The following CALB2 variants were observed in gnomAD, a reference collection of about 807,000 sequenced individuals.
CALB2 encodes the protein calretinin.
CALB2 carries 34 observed loss-of-function variants against 45.9 expected under a neutral mutation model. The observed-to-expected ratio is 0.74, with a 90% CI of 0.56 to 0.99. The LOEUF is 0.99. CALB2 is among the 50% of genes least tolerant of loss of function. The pLI is 0.00. For missense variants in CALB2, 344 were observed against 339.3 expected (o/e 1.01, Z -0.11); for synonymous variants, 142 against 129.6 (o/e 1.10, Z -0.65).
chr16:71,386,997 C>G (rs1387770695), intron 10 of CALB2, among the ~76,000 whole-genome samples: 1 of 152,102 alleles, frequency 6.6e-6, no homozygotes, highest in Non-Finnish European at 1.5e-5. Flanking sequence ...GCACTAAATT[C>G]TAGGAGAAAA....
chr16:71,372,303 T>C (rs1223310085), intron 2 of CALB2, 74 bp downstream of exon 2: 10 of 1,064,518 alleles, frequency 9.4e-6, no homozygotes, highest in Admixed American at 2.1e-5. Flanking sequence ...GTCCCAGTTA[T>C]GTATGCCATA....
chr16:71,369,920 T>C (rs1215304798), intron 1 of CALB2, among the ~76,000 whole-genome samples: 1 of 152,160 alleles, frequency 6.6e-6, no homozygotes, highest in East Asian at 1.9e-4. Context: ...CTAGACGATG[T>C]CTTTTTGCCT....
intron 2 of CALB2, among the ~76,000 whole-genome samples, chr16:71,372,798 G>C (rs762664197): frequency 6.6e-6 from 1 of 152,188 alleles, no homozygotes; most frequent in Non-Finnish European, 1.5e-5. Flanking sequence ...ATGTCCCCCT[G>C]GTGGGAGACT....
chr16:71,375,832 T>C (rs960514276), intron 3 of CALB2, among the ~76,000 whole-genome samples: 1 of 152,198 alleles, frequency 6.6e-6, no homozygotes, highest in African/African-American at 2.4e-5. Flanking sequence ...GCAAGGGGGC[T>C]GGTCTGTTGT....
intron 10 of CALB2, among the ~76,000 whole-genome samples, chr16:71,388,334 C>CAAAAAAAAAAA (rs71153632): frequency 6.8e-5 from 7 of 103,420 alleles, no homozygotes; most frequent in Admixed American, 2.1e-4. Context: ...GACCTTATCT[C>CAAAAAAAAAAA]AAAAAAAAAA....
intron 4 of CALB2, 105 bp downstream of exon 4, chr16:71,377,852 T>G: frequency 1.3e-6 from 1 of 760,144 alleles, no homozygotes; most frequent in East Asian, 2.6e-5. Flanking sequence ...TGGGAGATGC[T>G]AAACCCCTTA....
intron 1 of CALB2, among the ~76,000 whole-genome samples, chr16:71,367,703 A>G (rs560006848): frequency 5.9e-5 from 9 of 152,270 alleles, no homozygotes; most frequent in African/African-American, 2.2e-4. Flanking sequence ...TAGCTCCCTG[A>G]GCACCAGGCA....
At position 71,358,845 on chromosome 16, in the gene CALB2, C is replaced by T. The variant is rs1316331418; in HGVS notation, c.53C>T (p.Ala18Val). The change falls in exon 1 of 11, where the codon GCG (alanine) becomes GTG (valine). Residue 18 changes from alanine to valine, a missense_variant. Around this residue, in one of 3 missense-constraint regions of CALB2, gnomAD observed 77 missense variants for 80.5 expected, o/e 0.96. Transcript: ENST00000302628. ...PPYLHLAELT[A>V]SQFLEIWKHF... is the part of the protein sequence containing the mutation. ...TACCTGCACCTGGCCGAGCTGACGG[C>T]GTCCCAGTTCCTGGAAATATGGAAG... The T allele has an allele frequency of 1.2e-6, 2 of 1,613,084 alleles. No homozygotes were observed. The highest frequency in any genetic ancestry group is 1.1e-5 in the South Asian group (1 of 90,822).
intron 3 of CALB2, among the ~76,000 whole-genome samples, chr16:71,377,223 T>G (rs1208666692): frequency 6.6e-6 from 1 of 152,216 alleles, no homozygotes; most frequent in Non-Finnish European, 1.5e-5. Flanking sequence ...TGAGTTTAGA[T>G]TTTAGGCCAT....
intron 2 of CALB2, among the ~76,000 whole-genome samples, chr16:71,373,001 C>A (rs542877499): frequency 4.6e-5 from 7 of 152,328 alleles, no homozygotes; most frequent in Non-Finnish European, 7.3e-5. Flanking sequence ...CACATCCCAG[C>A]CCCTTAGTGA....
intron 1 of CALB2, among the ~76,000 whole-genome samples, chr16:71,362,462 G>A (rs962075167): frequency 2.6e-5 from 4 of 152,192 alleles, no homozygotes; most frequent in East Asian, 1.9e-4. Context: ...TCGTATGTGC[G>A]CAGAAAGTTA....
chr16:71,371,688 T>C (rs1217570054), intron 1 of CALB2, among the ~76,000 whole-genome samples: 1 of 152,204 alleles, frequency 6.6e-6, no homozygotes, highest in Non-Finnish European at 1.5e-5. Context: ...CAATCCAGTA[T>C]GACTCATCTT....
At position 71,377,896 on chromosome 16, in the gene CALB2, G is replaced by A. The variant is rs562060322; in HGVS notation, c.342+149G>A. ...CTACTCAAAGTGTGGTCCGTGGACC[G>A]GCAGCATCAGTATCACCTGGGTGCC... On this transcript the variant is annotated intron_variant, in intron 4 of 10. Coordinates refer to ENST00000302628, the MANE Select transcript of CALB2 (RefSeq NM_001740.5). 36 of 595,104 alleles carry A rather than the reference G, an allele frequency of 6.0e-5. No homozygotes were observed. The East Asian group carries it at 7.3e-4, about 12-fold the overall frequency. 36.9% of individuals were successfully genotyped at this position (595,104 alleles called of 1,614,324 possible). A position where few individuals can be genotyped will look rare whatever the true frequency, so the allele number is the denominator to read the frequency against.
intron 1 of CALB2, among the ~76,000 whole-genome samples, chr16:71,370,466 A>T (rs529320699): frequency 6.6e-6 from 1 of 151,928 alleles, no homozygotes; most frequent in Non-Finnish European, 1.5e-5. Context: ...CTGCACAGGA[A>T]ATCACCTGGG....
intron 10 of CALB2, among the ~76,000 whole-genome samples, chr16:71,388,356 AAG>A (rs1478303924): frequency 6.6e-6 from 1 of 151,594 alleles, no homozygotes; most frequent in Non-Finnish European, 1.5e-5. Context: ...AAAAAAGAAA[AAG>A]AAAAAGAAAA....
At chr16:71,382,619 G>A in intron 4 of CALB2, 100 bp from the exon 5 acceptor site, 1 of 1,109,220 alleles carries the variant, frequency 9.0e-7, no homozygotes, top group South Asian at 1.4e-5. Flanking sequence ...CGATATTCTT[G>A]AAGATCAAGA....
chr16:71,384,885 C>A, intron 9 of CALB2, 49 bp downstream of exon 9: 1 of 1,500,512 alleles, frequency 6.7e-7, no homozygotes, highest in Non-Finnish European at 9.3e-7. Flanking sequence ...CCCATCAGCC[C>A]GTCCAGAAGG....
Position 71,389,965 on chromosome 16 carries a change from C to T in CALB2, c.*100C>T. On this transcript the variant is annotated 3_prime_UTR_variant, in exon 11 of 11. Coordinates refer to ENST00000302628, the MANE Select transcript of CALB2 (RefSeq NM_001740.5). ...GAGACCGTGAGCGCCCCGCCCCCAC[C>T]CCTACAGCCTGCACACACCTGCCTG... 4 of 751,222 alleles carry T rather than the reference C, an allele frequency of 5.3e-6. No homozygotes were observed. The highest frequency in any genetic ancestry group is 9.4e-6 in the Non-Finnish European group (4 of 427,636). The allele number at this position is 751,222 out of a possible 1,614,324, so 46.5% of individuals were successfully genotyped here. A position where few individuals can be genotyped will look rare whatever the true frequency, so the allele number is the denominator to read the frequency against.
chr16:71,366,991 C>CT (rs2042294738), intron 1 of CALB2, among the ~76,000 whole-genome samples: 1 of 152,044 alleles, frequency 6.6e-6, no homozygotes, highest in East Asian at 1.9e-4. Context: ...TGTTCAACTC[C>CT]TAGAAAATCT....
Sources: allele counts gnomAD v4.1 joint callset (sites outside exome capture counted in the v4.1 genomes callset), GRCh38; gene constraint gnomAD v4.1.1; regional missense constraint gnomAD v4.1.1; transcripts MANE v1.5; gene names NCBI Gene and HGNC (gene_info 2026-07-23, HGNC 2026-07-21).